Variants in IFT140 observed in about 807,000 individuals in gnomAD.
IFT140 encodes the protein intraflagellar transport 140.
Under a neutral mutation model 164.6 loss-of-function variants are expected in IFT140, and 133 were observed. The observed-to-expected ratio is 0.81, with a 90% CI of 0.70 to 0.93. The LOEUF is 0.93. IFT140 is among the 40% of genes least tolerant of loss of function. The probability of loss-of-function intolerance (pLI) is 0.00; values close to 1 mark genes in which losing one functional copy is unlikely to be tolerated. For missense variants in IFT140, 2,045 were observed against 1,972.3 expected, an observed-to-expected ratio of 1.04 and a Z score of -0.70; for synonymous variants, 860 against 817.3, an observed-to-expected ratio of 1.05 and a Z score of -0.89.
chr16:1,522,663 AC>A (rs2040558960), intron 26 of IFT140, among the ~76,000 whole-genome samples: 1 of 152,168 alleles, frequency 6.6e-6, no homozygotes, highest in African/African-American at 2.4e-5. Context: ...ACGTGGTGGA[AC>A]CCCATCTCTA....
chr16:1,581,779 C>G (rs112775181), intron 12 of IFT140, among the ~76,000 whole-genome samples: 17 of 7,154 alleles, frequency 2.4e-3, no homozygotes, highest in African/African-American at 5.1e-3. Flanking sequence ...GGGAGGGGAG[C>G]GGAGGGGAGG....
intron 19 of IFT140, chr16:1,541,610 G>T: frequency 1.8e-6 from 1 of 552,868 alleles, no homozygotes. Context: ...GGTCAAGTCA[G>T]GCAGAGAGGA....
intron 16 of IFT140, 45 bp downstream of exon 16, chr16:1,566,116 G>A (rs1358166932): frequency 3.1e-6 from 5 of 1,599,324 alleles, no homozygotes; most frequent in Non-Finnish European, 2.6e-6. Context: ...AGAAGTAACT[G>A]AACATCATTT....
intron 18 of IFT140, among the ~76,000 whole-genome samples, chr16:1,560,340 T>C (rs746542377): frequency 2.0e-5 from 3 of 152,214 alleles, no homozygotes; most frequent in African/African-American, 4.8e-5. Flanking sequence ...TGGCTCTACA[T>C]GGTGACCAGG....
At chr16:1,571,301 T>C in intron 14 of IFT140, 106 bp downstream of exon 14, 1 of 1,049,014 alleles carries the variant, frequency 9.5e-7, no homozygotes, top group Non-Finnish European at 1.4e-6. Context: ...GGTGTTAAAA[T>C]GGGCACCTAA....
intron 19 of IFT140, among the ~76,000 whole-genome samples, chr16:1,546,345 G>A (rs1320062282): frequency 2.6e-5 from 4 of 152,184 alleles, no homozygotes; most frequent in African/African-American, 9.7e-5. Context: ...TTTCCCAGCT[G>A]GATCGCTGGC....
At chr16:1,596,792 CCT>C (rs986093981) in intron 4 of IFT140, among the ~76,000 whole-genome samples, 12 of 152,150 alleles carry the variant, frequency 7.9e-5, no homozygotes, top group African/African-American at 2.4e-4. Context: ...GCTCCTCACC[CCT>C]GACTCTAGCA....
intron 2 of IFT140, among the ~76,000 whole-genome samples, chr16:1,608,050 G>A (rs2036162798): frequency 6.6e-6 from 1 of 152,108 alleles, no homozygotes; most frequent in Non-Finnish European, 1.5e-5. Flanking sequence ...ATCAAAGACT[G>A]TCTTTTACCT....
Position 1,589,622 on chromosome 16 carries a change from C to T in IFT140, c.793G>A (p.Ala265Thr). 6.2e-7 allele frequency: 1 copy of T among 1,614,110 alleles called. No homozygotes were observed. The highest frequency in any genetic ancestry group is 8.5e-7 in the Non-Finnish European group (1 of 1,179,960). Residue 265 changes from alanine (A) to threonine (T), a missense_variant, in exon 7 of 31, where the codon GCA (alanine) becomes ACA (threonine). Physicochemically the swap from Ala to Thr is moderately conservative, Grantham distance 58. Coordinates refer to ENST00000426508, the MANE Select transcript of IFT140 (RefSeq NM_014714.4). ...CCACTCACCTTCATCACTTCTTCTG[C>T]TTTGCCCTCAGGAGGCACCGTGTAC... ...SLYTVPPEGK[A>T]EEVMKVKLSG... is the part of the protein sequence containing the mutation.
chr16:1,516,070 G>A (rs1209321565), intron 30 of IFT140, among the ~76,000 whole-genome samples: 2 of 138,168 alleles, frequency 1.4e-5, no homozygotes, highest in Non-Finnish European at 3.1e-5. Context: ...AACCTGGAGG[G>A]TAGAGGTTGT....
At chr16:1,545,812 C>T (rs545102132) in intron 19 of IFT140, among the ~76,000 whole-genome samples, 1 of 152,342 alleles carries the variant, frequency 6.6e-6, no homozygotes, top group African/African-American at 2.4e-5. Context: ...CTTTTGCTCT[C>T]GCTCCATGAA....
intron 16 of IFT140, among the ~76,000 whole-genome samples, chr16:1,565,491 G>A (rs1230780359): frequency 6.6e-6 from 1 of 152,070 alleles, no homozygotes; most frequent in Non-Finnish European, 1.5e-5. Context: ...GTCTGATGGT[G>A]GTCAAGTAAT....
intron 4 of IFT140, among the ~76,000 whole-genome samples, chr16:1,595,581 G>A (rs1484706396): frequency 4.1e-5 from 6 of 147,840 alleles, no homozygotes; most frequent in Non-Finnish European, 8.9e-5. Flanking sequence ...CAGCCTGGGC[G>A]ACAGAGTGAG....
In IFT140 at chr16:1,564,689, G is replaced by C. The variant is rs373504230; in HGVS notation, c.1902-527C>G. 6.6e-6 allele frequency among the ~76,000 whole-genome samples: 1 copy of C among 152,158 alleles called. No homozygotes were observed. Among genetic ancestry groups the C allele is most frequent in the Non-Finnish European group, 1.5e-5 (1 of 68,044 alleles). ...GAAACACAATGATGTGCCGGCAGAC[G>C]ACACACAAGGTTTCAAGAGAGAGCA... On this transcript the variant is annotated intron_variant, in intron 16 of 30. Transcript: ENST00000426508. This position sits in a 1 kb window ranked among gnomAD's most constrained non-coding sequence, Gnocchi z 5.5.
At chr16:1,568,451 C>G in intron 14 of IFT140, 117 bp from the exon 15 acceptor site, 1 of 816,594 alleles carries the variant, frequency 1.2e-6, no homozygotes, top group Non-Finnish European at 2.0e-6. Context: ...CTGCTTCTCA[C>G]CCTGGGTGGC....
rs780731006 is a variant in IFT140 at position 1,564,913 on chromosome 16, C to T, written c.1902-751G>A. The stretch of plus-strand genomic sequence containing the variant: ...GAGGTGCCCTCACAGCCACGTTCGG[C>T]ACCAGTGCAGAGCAGAGCAGAAAGC... On this transcript the variant is annotated intron_variant, in intron 16 of 30. Coordinates refer to ENST00000426508, the MANE Select transcript of IFT140 (RefSeq NM_014714.4). The surrounding 1 kb of genome is among the most constrained non-coding windows in gnomAD (Gnocchi z 5.5). Among the ~76,000 whole-genome samples the T allele has an allele frequency of 2.0e-5, 3 of 152,198 alleles. No individual in the cohort carries two copies. Among genetic ancestry groups the T allele is most frequent in the Non-Finnish European group, 4.4e-5 (3 of 68,042 alleles).
In IFT140 at chr16:1,553,087, C is replaced by A. The variant is rs2032804254; in HGVS notation, c.2399+4848G>T. The A allele has an allele frequency of 1.0e-6, 1 of 985,276 alleles. No homozygotes were observed. The highest frequency in any genetic ancestry group is 1.2e-6 in the Non-Finnish European group (1 of 829,930). The allele number at this position is 985,276 out of a possible 1,614,324, so 61.0% of individuals were successfully genotyped here. A position where few individuals can be genotyped will look rare whatever the true frequency, so the allele number is the denominator to read the frequency against. On this transcript the variant is annotated intron_variant, in intron 19 of 30. Transcript: ENST00000426508. The surrounding 1 kb of genome is among the most constrained non-coding windows in gnomAD (Gnocchi z 4.4). ...AGGACAAAATGGAGATAGATAAATG[C>A]TTAATTCATACTTTCTGGAGGGTAC...
chr16:1,528,509 A>C (rs1439279686), intron 19 of IFT140, among the ~76,000 whole-genome samples: 8 of 151,294 alleles, frequency 5.3e-5, no homozygotes, highest in African/African-American at 1.9e-4. Context: ...ACACACATGC[A>C]GGCACACACA....
At chr16:1,536,027 C>T (rs1213238813) in intron 19 of IFT140, among the ~76,000 whole-genome samples, 1 of 152,246 alleles carries the variant, frequency 6.6e-6, no homozygotes, top group East Asian at 1.9e-4. Context: ...GGCTTTAGGC[C>T]CCTGGAGGTG....
Sources: allele counts gnomAD v4.1 joint callset (sites outside exome capture counted in the v4.1 genomes callset), GRCh38; gene constraint gnomAD v4.1.1; non-coding constraint Gnocchi (gnomAD v3.1); transcripts MANE v1.5; gene names NCBI Gene and HGNC (gene_info 2026-07-23, HGNC 2026-07-21).